CLTCL1: variants seen among roughly 807,000 people sequenced by gnomAD.
CLTCL1 encodes clathrin heavy chain like 1, also known as clathrin heavy chain 2.
CLTCL1 carries 159 observed loss-of-function variants against 190.0 expected under a neutral mutation model. The ratio of observed to expected loss-of-function variants is 0.84; its 90% confidence interval spans 0.74 to 0.95. CLTCL1 has a LOEUF of 0.95. CLTCL1 is among the 40% of genes least tolerant of loss of function. The pLI, the probability that CLTCL1 is intolerant of heterozygous loss-of-function variation, is 0.00. For missense variants in CLTCL1, 1,878 were observed against 2,033.4 expected (o/e 0.92, Z 1.47); for synonymous variants, 752 against 769.6 (o/e 0.98, Z 0.38).
At chr22:19,235,105 A>G (rs924114963) in intron 6 of CLTCL1, among the ~76,000 whole-genome samples, 2 of 152,016 alleles carry the variant, frequency 1.3e-5, no homozygotes, top group Non-Finnish European at 2.9e-5. Context: ...CCTAGCCTCA[A>G]GCAATCCTCC....
intron 29 of CLTCL1, 151 bp from the exon 30 acceptor site, chr22:19,183,762 C>A (rs1358929377): frequency 2.3e-5 from 17 of 725,436 alleles, no homozygotes; most frequent in Non-Finnish European, 3.9e-5. Flanking sequence ...GGGCCATTCC[C>A]TATGCCCTGC....
intron 1 of CLTCL1, among the ~76,000 whole-genome samples, chr22:19,285,050 C>T (rs573036162): frequency 2.6e-5 from 4 of 152,042 alleles, no homozygotes; most frequent in Non-Finnish European, 5.9e-5. Context: ...CCGAGGCAGG[C>T]GGATCACAAG....
chr22:19,226,068 G>C (rs1305642638), intron 12 of CLTCL1, 151 bp downstream of exon 12: 2 of 902,696 alleles, frequency 2.2e-6, no homozygotes, highest in East Asian at 5.4e-5. Flanking sequence ...GGCTGAATTA[G>C]AACTGCTTTT....
chr22:19,258,601 A>G, intron 2 of CLTCL1: 2 of 619,950 alleles, frequency 3.2e-6, no homozygotes, highest in South Asian at 3.0e-5. Flanking sequence ...CAGGCCCAGG[A>G]GTACGAGGCC....
Position 19,210,507 on chromosome 22 carries a change from T to G in CLTCL1, c.3068A>C (p.Asn1023Thr). 1 of 1,612,374 alleles carries G rather than the reference T, an allele frequency of 6.2e-7. No individual in the cohort carries two copies. The highest frequency in any genetic ancestry group is 1.3e-5 in the African/African-American group (1 of 75,026). The change falls in exon 20 of 33, where the codon AAT (asparagine) becomes ACT (threonine). Residue 1023 changes from asparagine to threonine, a missense_variant and splice_region_variant. Asn to Thr is a moderately conservative substitution (Grantham distance 65, BLOSUM62 0). Coordinates refer to ENST00000427926, the MANE Select transcript of CLTCL1 (RefSeq NM_007098.4). ...LDNSVFSEHR[N>T]LQNLLILTAI... ...AGTCAGGATCAACAGATTCTGTAGA[T>G]TCCTGAGGAGAGAGGGTGGTCAGCA...
chr22:19,210,267 G>T, intron 20 of CLTCL1, 59 bp downstream of exon 20: 1 of 1,535,180 alleles, frequency 6.5e-7, no homozygotes, highest in Non-Finnish European at 8.9e-7. Flanking sequence ...GGCTTGCAGG[G>T]CGCACTCATG....
intron 22 of CLTCL1, 46 bp from the exon 23 acceptor site, chr22:19,201,539 G>T: frequency 6.4e-7 from 1 of 1,570,846 alleles, no homozygotes; most frequent in South Asian, 1.1e-5. Context: ...TCAATGGGAA[G>T]ATTTCTCCAG....
chr22:19,229,593 A>G lies in CLTCL1; in HGVS notation c.1782+245T>C, dbSNP rs1385112958. Among the ~76,000 whole-genome samples, 3 of 152,354 alleles carry G rather than the reference A, an allele frequency of 2.0e-5. No individual in the cohort carries two copies. In the East Asian group the frequency reaches 5.8e-4, roughly 29 times the overall value. On this transcript the variant is annotated intron_variant, in intron 11 of 32. Transcript: ENST00000427926. ...TGGTAAATTTGGTTATGTATATTTT[A>G]CCACAATGAAAAAAAGAAGAAAGGA...
rs782020748 is a variant in CLTCL1 at position 19,191,375 on chromosome 22, G to A, written c.4252C>T (p.Leu1418Phe). 9 of 1,614,018 alleles carry A rather than the reference G, an allele frequency of 5.6e-6. No individual in the cohort carries two copies. The East Asian group carries it at 2.0e-4, about 36-fold the overall frequency. ...AGCACCAGCAGCAGGTCATTGATGAGCAGTGGTTTGTAATCCAAATAGAAC... is the reference window on the plus strand; with the variant it reads ...AGCACCAGCAGCAGGTCATTGATGAACAGTGGTTTGTAATCCAAATAGAAC... Reference protein sequence around the residue: ...LQFYLDYKPLLINDLLLVLSP... With the variant: ...LQFYLDYKPLFINDLLLVLSP... The change falls in exon 27 of 33, where the codon CTC becomes TTC. Residue 1418 changes from leucine to phenylalanine, a missense_variant. Leu to Phe is a conservative substitution (Grantham distance 22). Coordinates refer to ENST00000427926, the MANE Select transcript of CLTCL1 (RefSeq NM_007098.4).
intron 3 of CLTCL1, among the ~76,000 whole-genome samples, chr22:19,245,583 T>C (rs782782240): frequency 6.6e-6 from 1 of 152,176 alleles, no homozygotes; most frequent in African/African-American, 2.4e-5. Flanking sequence ...ACACTCGCAA[T>C]GTGTGGAACC....
At chr22:19,185,226 C>T (rs2084273415) in intron 29 of CLTCL1, among the ~76,000 whole-genome samples, 1 of 152,242 alleles carries the variant, frequency 6.6e-6, no homozygotes, top group South Asian at 2.1e-4. Context: ...GGCCTATACA[C>T]AGCACCACGC....
chr22:19,231,786 A>T (rs1555959211), intron 10 of CLTCL1, among the ~76,000 whole-genome samples: 2 of 152,198 alleles, frequency 1.3e-5, no homozygotes, highest in African/African-American at 2.4e-5. Context: ...TGTAAACAAG[A>T]TGTGAACTGG....
intron 9 of CLTCL1, 121 bp downstream of exon 9, chr22:19,233,045 A>T: frequency 9.6e-7 from 1 of 1,037,384 alleles, no homozygotes; most frequent in Non-Finnish European, 1.4e-6. Flanking sequence ...CCTAACAGCA[A>T]CATTGCCAAC....
rs1470925922 is a variant in CLTCL1 at position 19,222,895 on chromosome 22, C to T, written c.2293-86G>A. On this transcript the variant is annotated intron_variant, in intron 14 of 32. Transcript: ENST00000427926. ...GACTCATTGCACACATGGGACGGCT[C>T]TGTCTCTGCAGCAGAGTGACACACA... The T allele has an allele frequency of 9.4e-6, 14 of 1,496,480 alleles. No individual in the cohort carries two copies. In the Admixed American group the frequency reaches 2.8e-4, roughly 30 times the overall value. The allele number at this position is 1,496,480 out of a possible 1,614,324, so 92.7% of individuals were successfully genotyped here.
intron 29 of CLTCL1, chr22:19,184,236 C>A: frequency 3.1e-6 from 1 of 327,828 alleles, no homozygotes; most frequent in South Asian, 2.4e-5. Context: ...GCTATTAGTA[C>A]CCCATTCAGA....
intron 5 of CLTCL1, among the ~76,000 whole-genome samples, chr22:19,238,119 C>T (rs1222129000): frequency 6.6e-6 from 1 of 151,934 alleles, no homozygotes; most frequent in Non-Finnish European, 1.5e-5. Context: ...TGAAGTCTTG[C>T]TCCAGGCCGC....
intron 17 of CLTCL1, 76 bp from the exon 18 acceptor site, chr22:19,220,083 G>A (rs1310266426): frequency 3.2e-6 from 5 of 1,581,786 alleles, no homozygotes; most frequent in African/African-American, 1.3e-5. Flanking sequence ...ACCCCAATTC[G>A]TTCCCTGTGT....
chr22:19,251,804 A>C (rs2086601336), intron 3 of CLTCL1, among the ~76,000 whole-genome samples: 1 of 152,372 alleles, frequency 6.6e-6, no homozygotes, highest in Admixed American at 6.5e-5. Flanking sequence ...CCCTGGCTAG[A>C]ATCTCTAGTC....
chr22:19,208,886 G>A, intron 21 of CLTCL1, 36 bp downstream of exon 21: 1 of 1,506,770 alleles, frequency 6.6e-7, no homozygotes, highest in Non-Finnish European at 9.0e-7. Flanking sequence ...TTGCATCAGT[G>A]AGATGCAGAG....
Sources: allele counts gnomAD v4.1 joint callset (sites outside exome capture counted in the v4.1 genomes callset), GRCh38; gene constraint gnomAD v4.1.1; transcripts MANE v1.5; gene names NCBI Gene and HGNC (gene_info 2026-07-23, HGNC 2026-07-21).